Variants in RAB21 observed in about 807,000 individuals in gnomAD.
The protein encoded by RAB21 is RAB21, member RAS oncogene family.
A neutral mutation model predicts 33.1 loss-of-function variants in RAB21; 13 were observed. The observed-to-expected ratio is 0.39, with a 90% CI of 0.26 to 0.62. RAB21 has a LOEUF of 0.62. Ranked by LOEUF, RAB21 falls within the 20% of genes least tolerant of loss-of-function variation. RAB21 has a pLI of 0.48. For synonymous variants in RAB21, 91 were observed against 103.7 expected (o/e 0.88, Z 0.74); for missense variants, 234 against 279.1 (o/e 0.84, Z 1.15).
At chr12:71,784,559 G>GT (rs1883255651) in intron 6 of RAB21, among the ~76,000 whole-genome samples, 1 of 151,366 alleles carries the variant, frequency 6.6e-6, no homozygotes, top group Admixed American at 6.6e-5. Context: ...TAATACTACT[G>GT]TTTTTTGAAA....
intron 6 of RAB21, among the ~76,000 whole-genome samples, chr12:71,785,008 A>G (rs1291734488): frequency 1.1e-4 from 16 of 152,050 alleles, no homozygotes; most frequent in Admixed American, 7.2e-4. Context: ...AGGAGGATCA[A>G]CTGAGCCCAG....
In RAB21 at chr12:71,790,169, T is replaced by C. The variant is rs749529477; in HGVS notation, c.*4496T>C. ...CAGCATACCCAGTTAGGTCTCTTAT[T>C]CTTAAAGCATCTTTCTTTAGAAGTC... On this transcript the variant is annotated 3_prime_UTR_variant, in exon 7 of 7. Coordinates refer to ENST00000261263, the MANE Select transcript of RAB21 (RefSeq NM_014999.4). 6.6e-6 allele frequency: 1 copy of C among 152,188 alleles called. No homozygotes were observed. The highest frequency in any genetic ancestry group is 6.5e-5 in the Admixed American group (1 of 15,278). 9.4% of individuals were successfully genotyped at this position (152,188 alleles called of 1,614,324 possible).
intron 1 of RAB21, among the ~76,000 whole-genome samples, chr12:71,759,038 C>T (rs1458209234): frequency 2.6e-5 from 4 of 152,142 alleles, no homozygotes; most frequent in Admixed American, 2.6e-4. Flanking sequence ...GTCTTAATTG[C>T]TTCAAAAAAA....
In RAB21 at chr12:71,799,325, C is replaced by T. The variant is rs1883507211; in HGVS notation, c.*13652C>T. 6.6e-6 allele frequency: 1 copy of T among 152,208 alleles called. No individual in the cohort carries two copies. The highest frequency in any genetic ancestry group is 2.4e-5 in the African/African-American group (1 of 41,440). The allele number at this position is 152,208 out of a possible 1,614,324, so 9.4% of individuals were successfully genotyped here. A position where few individuals can be genotyped will look rare whatever the true frequency, so the allele number is the denominator to read the frequency against. ...CCTGCTCCTTCAACCCTTCCAGTAA[C>T]TTTATAAGCACCAAATTCCATTTAA... On this transcript the variant is annotated 3_prime_UTR_variant, in exon 7 of 7. Transcript: ENST00000261263.
chr12:71,756,711 C>G (rs1882790677), intron 1 of RAB21, among the ~76,000 whole-genome samples: 1 of 152,172 alleles, frequency 6.6e-6, no homozygotes, highest in African/African-American at 2.4e-5. Flanking sequence ...TGTTTTAGAT[C>G]AAGAAAATTC....
At chr12:71,756,532 G>A (rs1014829357) in intron 1 of RAB21, among the ~76,000 whole-genome samples, 2 of 152,168 alleles carry the variant, frequency 1.3e-5, no homozygotes, top group South Asian at 2.1e-4. Context: ...AAGACGCTCT[G>A]GCTCTGATTC....
intron 1 of RAB21, among the ~76,000 whole-genome samples, chr12:71,765,987 A>T (rs1882955188): frequency 6.6e-6 from 1 of 152,162 alleles, no homozygotes; most frequent in South Asian, 2.1e-4. Flanking sequence ...ATGATTTACG[A>T]AACAGAATCT....
chr12:71,785,715 G>A lies in RAB21; in HGVS notation c.*42G>A. On this transcript the variant is annotated 3_prime_UTR_variant, in exon 7 of 7. Coordinates refer to ENST00000261263, the MANE Select transcript of RAB21 (RefSeq NM_014999.4). Reference sequence around the variant, plus strand: ...AATTAAAAGACAGAACAAAACTGTGGATCATTGCCCTCAACATGAAGACTG... The same window carrying A: ...AATTAAAAGACAGAACAAAACTGTGAATCATTGCCCTCAACATGAAGACTG... 1 of 1,608,554 alleles carries A rather than the reference G, an allele frequency of 6.2e-7. No homozygotes were observed. The highest frequency in any genetic ancestry group is 8.5e-7 in the Non-Finnish European group (1 of 1,175,668).
At position 71,760,447 on chromosome 12, in the gene RAB21, G is replaced by A. The variant is rs1233629612; in HGVS notation, c.159+5159G>A. 2.0e-5 allele frequency among the ~76,000 whole-genome samples: 3 copies of A among 152,284 alleles called. No homozygotes were observed. The East Asian group carries it at 5.8e-4, about 29-fold the overall frequency. On this transcript the variant is annotated intron_variant, in intron 1 of 6. Coordinates refer to ENST00000261263, the MANE Select transcript of RAB21 (RefSeq NM_014999.4). ...TGATAAACTTGGGAAAAATAAGAAA[G>A]ACAATTGGAGTGAGGGAGTTACTAC...
chr12:71,794,422 TATA>T lies in RAB21; in HGVS notation c.*8750_*8752del, dbSNP rs1346954920. Reference sequence around the variant, plus strand: ...TATATATATTATATATATATATATATATATATTTTTTTTTTTTTTTTTTTTTTT... The same window carrying T: ...TATATATATTATATATATATATATATTATTTTTTTTTTTTTTTTTTTTTTT... On this transcript the variant is annotated 3_prime_UTR_variant, in exon 7 of 7. Transcript: ENST00000261263. 9.0e-4 allele frequency: 49 copies of T among 54,342 alleles called. No individual in the cohort carries two copies. The highest frequency in any genetic ancestry group is 1.5e-3 in the South Asian group (2 of 1,344). 3.4% of individuals were successfully genotyped at this position (54,342 alleles called of 1,614,324 possible).
chr12:71,774,911 A>G (rs1174733443), intron 4 of RAB21, among the ~76,000 whole-genome samples: 1 of 151,482 alleles, frequency 6.6e-6, no homozygotes, highest in Non-Finnish European at 1.5e-5. Flanking sequence ...TTTTCACTGT[A>G]TGATTTTGCT....
rs71068802 is a variant in RAB21, at chr12:71,794,427, A to ATTTTTT, written c.*8778_*8783dup. ...ATATTATATATATATATATATATAT[A>ATTTTTT]TTTTTTTTTTTTTTTTTTTTTTTTT... is the stretch of plus-strand genomic sequence containing the variant. On this transcript the variant is annotated 3_prime_UTR_variant, in exon 7 of 7. Transcript: ENST00000261263. The ATTTTTT allele has an allele frequency of 1.1e-4, 3 of 27,968 alleles. No individual in the cohort carries two copies. Among genetic ancestry groups the ATTTTTT allele is most frequent in the East Asian group, 1.1e-3 (1 of 902 alleles). The allele number at this position is 27,968 out of a possible 1,614,324, so 1.7% of individuals were successfully genotyped here.
chr12:71,774,287 AATAC>A, intron 4 of RAB21: 1 of 169,178 alleles, frequency 5.9e-6, no homozygotes, highest in Non-Finnish European at 1.2e-5. Flanking sequence ...TCTCTCTAAA[AATAC>A]AAAAAAAAAA....
In RAB21 at chr12:71,778,134, A is replaced by G. The variant is rs117532303; in HGVS notation, c.392-3897A>G. Among the ~76,000 whole-genome samples, 556 of 152,310 alleles carry G rather than the reference A, an allele frequency of 3.7e-3. 2 individuals carry two copies. Among genetic ancestry groups the G allele is most frequent in the Middle Eastern group, 6.8e-3 (2 of 294 alleles). On this transcript the variant is annotated intron_variant, in intron 4 of 6. Coordinates refer to ENST00000261263, the MANE Select transcript of RAB21 (RefSeq NM_014999.4). ...TAGCATTTTCATGTGTAAATTGAAT[A>G]CTTAACCTCCTAGATCCTTATCTAA...
At chr12:71,765,699 T>A (rs1402282173) in intron 1 of RAB21, among the ~76,000 whole-genome samples, 1 of 152,110 alleles carries the variant, frequency 6.6e-6, no homozygotes, top group African/African-American at 2.4e-5. Flanking sequence ...CACCTTTTGT[T>A]AAATAGGCTA....
At chr12:71,769,721 GATTC>G (rs1883012889) in intron 1 of RAB21, 75 bp from the exon 2 acceptor site, 1 of 638,352 alleles carries the variant, frequency 1.6e-6, no homozygotes, top group Admixed American at 3.1e-5. Context: ...ACATTGAGAT[GATTC>G]ATTCATCTAT....
Position 71,789,576 on chromosome 12 carries a change from A to G in RAB21, c.*3903A>G, listed in dbSNP as rs932080770. Reference sequence around the variant, plus strand: ...AGATGCTGATATTTTCTGGAAAAGGATATAGATAGTAGTAGTGACCCGCAG... The same window carrying G: ...AGATGCTGATATTTTCTGGAAAAGGGTATAGATAGTAGTAGTGACCCGCAG... On this transcript the variant is annotated 3_prime_UTR_variant, in exon 7 of 7. Coordinates refer to ENST00000261263, the MANE Select transcript of RAB21 (RefSeq NM_014999.4). 6 of 152,138 alleles carry G rather than the reference A, an allele frequency of 3.9e-5. No homozygotes were observed. The highest frequency in any genetic ancestry group is 1.2e-4 in the African/African-American group (5 of 41,456). The allele number at this position is 152,138 out of a possible 1,614,324, so 9.4% of individuals were successfully genotyped here. A position where few individuals can be genotyped will look rare whatever the true frequency, so the allele number is the denominator to read the frequency against.
Position 71,798,566 on chromosome 12 carries a change from C to G in RAB21, c.*12893C>G, listed in dbSNP as rs1883495781. 6.6e-6 allele frequency: 1 copy of G among 151,718 alleles called. No individual in the cohort carries two copies. The highest frequency in any genetic ancestry group is 1.5e-5 in the Non-Finnish European group (1 of 67,926). The allele number at this position is 151,718 out of a possible 1,614,324, so 9.4% of individuals were successfully genotyped here. ...CCAATGATCCAAAAAGAAAAAGGTA[C>G]AAAATTGTAAACAGTTTTCACAGAA... On this transcript the variant is annotated 3_prime_UTR_variant, in exon 7 of 7. Coordinates refer to ENST00000261263, the MANE Select transcript of RAB21 (RefSeq NM_014999.4).
intron 1 of RAB21, among the ~76,000 whole-genome samples, chr12:71,767,711 T>C (rs1245776305): frequency 6.6e-6 from 1 of 152,146 alleles, no homozygotes; most frequent in Non-Finnish European, 1.5e-5. Context: ...TTTCCAAGTT[T>C]CTAAACTTCA....
Sources: gnomAD v4.1 joint callset for allele counts (sites outside exome capture counted in the v4.1 genomes callset) on GRCh38, gnomAD v4.1.1 for gene constraint, MANE v1.5 for transcripts, NCBI Gene and HGNC (gene_info 2026-07-23, HGNC 2026-07-21) for gene names.